The following DZIP1 variants were observed in gnomAD, a reference collection of about 807,000 sequenced individuals.
DZIP1 encodes the protein DAZ interacting zinc finger protein 1.
A neutral mutation model predicts 107.6 loss-of-function variants in DZIP1; 97 were observed. The ratio of observed to expected loss-of-function variants is 0.90; its 90% confidence interval spans 0.77 to 1.07. The LOEUF (loss-of-function observed/expected upper bound fraction) is 1.07, where lower values mean the gene tolerates loss of function less well. Among genes scored for constraint, DZIP1 ranks in the 50% least tolerant of loss-of-function variants. The pLI is 0.00. For synonymous variants in DZIP1, 390 were observed against 386.4 expected, an observed-to-expected ratio of 1.01 and a Z score of -0.11; for missense variants, 1,035 against 1,063.6, an observed-to-expected ratio of 0.97 and a Z score of 0.37.
chr13:95,630,655 GAAAAGTTGT>G (rs1269961471), intron 6 of DZIP1: 1 of 1,161,322 alleles, frequency 8.6e-7, no homozygotes, highest in Non-Finnish European at 1.1e-6. Context: ...GTGAGGTACT[GAAAAGTTGT>G]AAAAGGAAGC....
intron 15 of DZIP1, among the ~76,000 whole-genome samples, chr13:95,594,558 C>T (rs780280340): frequency 3.3e-5 from 5 of 151,976 alleles, no homozygotes; most frequent in African/African-American, 9.7e-5. Flanking sequence ...CCAGCACTTT[C>T]GGAGGTTAAG....
At chr13:95,582,408 A>G in intron 22 of DZIP1, 95 bp from the exon 23 acceptor site, 1 of 1,043,660 alleles carries the variant, frequency 9.6e-7, no homozygotes. Flanking sequence ...TATTGTCATT[A>G]ATCACTCAGT....
rs151105091 is a variant in DZIP1, at chr13:95,613,248, C to G, written c.1174-1071G>C. Among the ~76,000 whole-genome samples the G allele has an allele frequency of 7.8e-3, 1,195 of 152,238 alleles. 16 individuals carry two copies. The highest frequency in any genetic ancestry group is 0.027 in the African/African-American group (1,125 of 41,532). On this transcript the variant is annotated intron_variant, in intron 10 of 22. Transcript: ENST00000376829. ...CGGCTTGAGGCCAGGTGTGGTGGCT[C>G]GTGCATGTAATCCCAGCACTTTGGG... is the stretch of plus-strand genomic sequence containing the variant.
At chr13:95,611,303 T>C (rs2044996303) in intron 12 of DZIP1, 142 bp downstream of exon 12, 3 of 665,416 alleles carry the variant, frequency 4.5e-6, no homozygotes, top group Non-Finnish European at 8.0e-6. Context: ...ATTAAAATAA[T>C]AGAGGACAGA....
At chr13:95,587,920 C>T (rs1056480760) in intron 19 of DZIP1, 191 bp from the exon 20 acceptor site, 2 of 579,140 alleles carry the variant, frequency 3.5e-6, no homozygotes, top group South Asian at 3.4e-5. Context: ...CATCCTCCCA[C>T]GCCCAGATCT....
chr13:95,608,368 A>C (rs2044852050), intron 13 of DZIP1, among the ~76,000 whole-genome samples: 1 of 152,074 alleles, frequency 6.6e-6, no homozygotes, highest in South Asian at 2.1e-4. Flanking sequence ...AGAACCTCTA[A>C]TAATTTTTTC....
At position 95,606,107 on chromosome 13, in the gene DZIP1, A is replaced by G. The variant is rs567965923; in HGVS notation, c.1421-48T>C. 8.1e-6 allele frequency: 13 copies of G among 1,598,032 alleles called. No individual in the cohort carries two copies. The African/African-American group carries it at 1.3e-4, about 16-fold the overall frequency. ...AACTCAGAGGTTCCATAATTAAAGC[A>G]TAAGCATCCGAACATGATGGTAGCC... is the stretch of plus-strand genomic sequence containing the variant. On this transcript the variant is annotated intron_variant, in intron 13 of 22. Transcript: ENST00000376829.
intron 5 of DZIP1, among the ~76,000 whole-genome samples, chr13:95,639,871 CAAAT>C (rs757068322): frequency 6.6e-6 from 1 of 152,034 alleles, no homozygotes; most frequent in Non-Finnish European, 1.5e-5. Context: ...ATTTATAAAA[CAAAT>C]AAGCAATTAG....
chr13:95,642,160 G>A lies in DZIP1; in HGVS notation c.-131C>T. On this transcript the variant is annotated 5_prime_UTR_variant, in exon 4 of 23. Transcript: ENST00000376829. ...GGCGGCCTAAGGTCTGGGCGTCCAG[G>A]ACGTTGCTATAGCAGCGCCCAGGTC... is the stretch of plus-strand genomic sequence containing the variant. The A allele has an allele frequency of 7.9e-7, 1 of 1,268,596 alleles. No individual in the cohort carries two copies. Among genetic ancestry groups the A allele is most frequent in the Non-Finnish European group, 1.0e-6 (1 of 962,934 alleles). 78.6% of individuals were successfully genotyped at this position (1,268,596 alleles called of 1,614,324 possible). A position where few individuals can be genotyped will look rare whatever the true frequency, so the allele number is the denominator to read the frequency against.
chr13:95,602,432 T>C (rs987014760), intron 14 of DZIP1, among the ~76,000 whole-genome samples: 2 of 152,164 alleles, frequency 1.3e-5, no homozygotes, highest in Non-Finnish European at 2.9e-5. Context: ...CCTTGCACCA[T>C]AATTATAAGC....
chr13:95,618,331 C>T (rs1390862622), intron 10 of DZIP1, among the ~76,000 whole-genome samples: 2 of 152,170 alleles, frequency 1.3e-5, no homozygotes, highest in Non-Finnish European at 2.9e-5. Flanking sequence ...TGAACTGCCA[C>T]ATCAGTGATA....
chr13:95,626,368 A>T (rs1414264065), intron 7 of DZIP1, among the ~76,000 whole-genome samples: 1 of 152,186 alleles, frequency 6.6e-6, no homozygotes, highest in Non-Finnish European at 1.5e-5. Flanking sequence ...GAAAGTGAGG[A>T]CATGACTACC....
At chr13:95,587,167 A>G (rs1257825438) in intron 20 of DZIP1, among the ~76,000 whole-genome samples, 1 of 152,196 alleles carries the variant, frequency 6.6e-6, no homozygotes, top group Non-Finnish European at 1.5e-5. Flanking sequence ...CAAGAAGACA[A>G]GTCAAGGACA....
At chr13:95,590,194 T>C in intron 17 of DZIP1, 85 bp downstream of exon 17, 2 of 1,293,664 alleles carry the variant, frequency 1.5e-6, no homozygotes, top group Non-Finnish European at 2.1e-6. Flanking sequence ...AATAATTTGT[T>C]TAATGATATC....
At chr13:95,624,743 A>G (rs1464103758) in intron 8 of DZIP1, 25 bp downstream of exon 8, 2 of 1,570,882 alleles carry the variant, frequency 1.3e-6, no homozygotes, top group African/African-American at 1.4e-5. Flanking sequence ...TCAATACCAT[A>G]AGAACTTCTA....
rs1296342838 is a variant in DZIP1, at chr13:95,609,467, T to TG, written c.1409dup (p.Ala471SerfsTer15). 1 of 1,579,046 alleles carries TG rather than the reference T, an allele frequency of 6.3e-7. No individual in the cohort carries two copies. The highest frequency in any genetic ancestry group is 8.6e-7 in the Non-Finnish European group (1 of 1,163,672). On this transcript the variant is annotated frameshift_variant, in exon 13 of 23. Transcript: ENST00000376829. LOFTEE classifies it high-confidence loss of function. Reference sequence around the variant, plus strand: ...ATTATAGGAACTTACTAGGCACAGCTGGAGCAGCTGGCTGAGATTCAAAAG... The same window carrying TG: ...ATTATAGGAACTTACTAGGCACAGCTGGGAGCAGCTGGCTGAGATTCAAAAG...
At chr13:95,629,912 G>C in intron 7 of DZIP1, 77 bp downstream of exon 7, 3 of 1,458,396 alleles carry the variant, frequency 2.1e-6, no homozygotes, top group Non-Finnish European at 2.7e-6. Flanking sequence ...AGTGTCCTCT[G>C]TTTATTAGAG....
At chr13:95,611,682 T>C (rs145289576) in intron 11 of DZIP1, among the ~76,000 whole-genome samples, 189 bp from the exon 12 acceptor site, 1 of 152,240 alleles carries the variant, frequency 6.6e-6, no homozygotes, top group African/African-American at 2.4e-5. Context: ...CACAATATAT[T>C]CATGTAAAAA....
intron 10 of DZIP1, among the ~76,000 whole-genome samples, chr13:95,615,420 T>C (rs1404912553): frequency 1.3e-5 from 2 of 152,182 alleles, no homozygotes; most frequent in Non-Finnish European, 2.9e-5. Flanking sequence ...AGTAGGGATT[T>C]TAATGATCTA....
Sources: gnomAD v4.1 joint callset for allele counts (sites outside exome capture counted in the v4.1 genomes callset) on GRCh38, gnomAD v4.1.1 for gene constraint, MANE v1.5 for transcripts, NCBI Gene and HGNC (gene_info 2026-07-23, HGNC 2026-07-21) for gene names.